PLEKHM3: variants seen among roughly 807,000 people sequenced by gnomAD.
The protein encoded by PLEKHM3 is pleckstrin homology domain containing M3, also known as pleckstrin homology domain-containing family M member 3.
In PLEKHM3, 45 loss-of-function variants were observed where a neutral mutation model predicts 81.8. That is an observed-to-expected ratio of 0.55 (90% confidence interval 0.43 to 0.71). The LOEUF is 0.71. Among genes scored for constraint, PLEKHM3 ranks in the 30% least tolerant of loss-of-function variants. The pLI is 0.00. For synonymous variants in PLEKHM3, 352 were observed against 356.4 expected, an observed-to-expected ratio of 0.99 and a Z score of 0.14; for missense variants, 788 against 924.3, an observed-to-expected ratio of 0.85 and a Z score of 1.91.
chr2:207,847,239 C>A (rs1020347431), intron 7 of PLEKHM3, among the ~76,000 whole-genome samples: 10 of 152,110 alleles, frequency 6.6e-5, no homozygotes, highest in African/African-American at 2.4e-4. Flanking sequence ...TCAGGTCAGC[C>A]CTGAGGTTTT....
intron 1 of PLEKHM3, among the ~76,000 whole-genome samples, chr2:208,012,397 T>C (rs550330021): frequency 4.6e-5 from 7 of 152,372 alleles, no homozygotes; most frequent in Admixed American, 1.3e-4. Flanking sequence ...GATTCATTTA[T>C]TGTCAATTGT....
chr2:207,875,370 G>C (rs2092555158), intron 6 of PLEKHM3, among the ~76,000 whole-genome samples: 1 of 152,176 alleles, frequency 6.6e-6, no homozygotes, highest in South Asian at 2.1e-4. Context: ...TTATTTATCA[G>C]ATTGGCCAGG....
At position 208,001,223 on chromosome 2, in the gene PLEKHM3, C is replaced by G. The variant is rs773169473; in HGVS notation, c.417G>C (p.Glu139Asp). 3 of 1,614,114 alleles carry G rather than the reference C, an allele frequency of 1.9e-6. No individual in the cohort carries two copies. In the Admixed American group the frequency reaches 5.0e-5, roughly 27 times the overall value. The change falls in exon 2 of 8, where the codon GAG becomes GAC. Residue 139 changes from glutamate (E) to aspartate (D), a missense_variant. Transcript: ENST00000427836. ...RPRSVNDLLD[E>D]TSTFKPGHAR... ...CATGCCCTGGCTTGAAAGTTGAGGT[C>G]TCATCCAGTAAGTCATTTACAGAAC...
chr2:207,906,120 G>A (rs1468034858), intron 6 of PLEKHM3, among the ~76,000 whole-genome samples: 1 of 152,162 alleles, frequency 6.6e-6, no homozygotes, highest in Non-Finnish European at 1.5e-5. Context: ...TCACTTTGGA[G>A]CCCACCCATT....
intron 7 of PLEKHM3, among the ~76,000 whole-genome samples, chr2:207,849,020 T>C (rs2092398493): frequency 6.6e-6 from 1 of 152,184 alleles, no homozygotes; most frequent in Non-Finnish European, 1.5e-5. Context: ...TCAAGACTGA[T>C]GTAGAAAATA....
At chr2:207,983,180 T>C (rs979684866) in intron 2 of PLEKHM3, among the ~76,000 whole-genome samples, 2 of 152,068 alleles carry the variant, frequency 1.3e-5, no homozygotes, top group East Asian at 3.9e-4. Flanking sequence ...GCCTCCCAAG[T>C]AGCTGGGACT....
chr2:207,936,502 A>G (rs1689755272), intron 4 of PLEKHM3, among the ~76,000 whole-genome samples: 1 of 152,214 alleles, frequency 6.6e-6, no homozygotes, highest in South Asian at 2.1e-4. Flanking sequence ...AGTTCATAAC[A>G]TATTTAGAGT....
chr2:207,989,615 G>A (rs898704816), intron 2 of PLEKHM3, among the ~76,000 whole-genome samples: 6 of 152,064 alleles, frequency 3.9e-5, no homozygotes, highest in Non-Finnish European at 5.9e-5. Context: ...ACATCATGAC[G>A]CCTGGCAGAC....
chr2:207,901,762 C>A (rs1688433915), intron 6 of PLEKHM3, among the ~76,000 whole-genome samples: 1 of 152,182 alleles, frequency 6.6e-6, no homozygotes, highest in Non-Finnish European at 1.5e-5. Flanking sequence ...ATTTGTTCCC[C>A]AAATAACTTA....
chr2:207,917,443 T>C (rs1396319109), intron 5 of PLEKHM3, among the ~76,000 whole-genome samples: 1 of 152,234 alleles, frequency 6.6e-6, no homozygotes, highest in Non-Finnish European at 1.5e-5. Context: ...AATTCAGTAT[T>C]AACCAGACCT....
rs556475542 is a variant in PLEKHM3 at position 207,845,701 on chromosome 2, T to C, written c.2108+15404A>G. ...TTTAAAAGCCATTTAAAAGAAAATA[T>C]GTTAATAACTACAGATTATAGTTGA... On this transcript the variant is annotated intron_variant, in intron 7 of 7. Coordinates refer to ENST00000427836, the MANE Select transcript of PLEKHM3 (RefSeq NM_001080475.3). Among the ~76,000 whole-genome samples, 4 of 152,336 alleles carry C rather than the reference T, an allele frequency of 2.6e-5. No individual in the cohort carries two copies. In the South Asian group the frequency reaches 8.3e-4, roughly 32 times the overall value.
At chr2:208,005,449 TAGTC>T (rs1488285622) in intron 1 of PLEKHM3, among the ~76,000 whole-genome samples, 3 of 152,272 alleles carry the variant, frequency 2.0e-5, no homozygotes, top group South Asian at 2.1e-4. Context: ...TGAGGAGTAA[TAGTC>T]AGGTATTTCA....
intron 5 of PLEKHM3, among the ~76,000 whole-genome samples, chr2:207,928,194 TC>T (rs1689469566): frequency 1.3e-5 from 2 of 152,332 alleles, no homozygotes; most frequent in African/African-American, 4.8e-5. Context: ...CAGTGCTTCC[TC>T]AGTTTCTGTA....
chr2:207,946,608 A>AGAGCTCTAACATCACAGAACAAGG, intron 3 of PLEKHM3, 96 bp from the exon 4 acceptor site: 1 of 1,453,294 alleles, frequency 6.9e-7, no homozygotes, highest in Non-Finnish European at 9.3e-7. Flanking sequence ...ACAAGGTTAT[A>AGAGCTCTAACATCACAGAACAAGG]TTTCATTTAC....
chr2:207,909,936 C>G (rs569525393), intron 5 of PLEKHM3, among the ~76,000 whole-genome samples: 1 of 152,294 alleles, frequency 6.6e-6, no homozygotes, highest in South Asian at 2.1e-4. Flanking sequence ...GCATATCAGA[C>G]ACTATTAGAC....
At chr2:208,010,322 A>G (rs1692646297) in intron 1 of PLEKHM3, among the ~76,000 whole-genome samples, 1 of 152,240 alleles carries the variant, frequency 6.6e-6, no homozygotes, top group Non-Finnish European at 1.5e-5. Context: ...GTGTTACTGC[A>G]CCTTTATGTG....
intron 2 of PLEKHM3, among the ~76,000 whole-genome samples, chr2:207,983,969 C>A (rs1169597812): frequency 1.3e-5 from 2 of 152,192 alleles, no homozygotes; most frequent in Admixed American, 6.5e-5. Flanking sequence ...CCTCTCACGT[C>A]CCTCCTCAGG....
At chr2:207,842,999 T>G (rs1353652417) in intron 7 of PLEKHM3, among the ~76,000 whole-genome samples, 1 of 152,084 alleles carries the variant, frequency 6.6e-6, no homozygotes, top group Non-Finnish European at 1.5e-5. Context: ...CAGGCTGGAG[T>G]GCAGTGGTGT....
chr2:207,929,950 C>A, intron 5 of PLEKHM3: 1 of 692,828 alleles, frequency 1.4e-6, no homozygotes, highest in Admixed American at 2.1e-5. Flanking sequence ...TCTATTAAAA[C>A]AAAAAAATTA....
Sources: allele counts gnomAD v4.1 joint callset (sites outside exome capture counted in the v4.1 genomes callset), GRCh38; gene constraint gnomAD v4.1.1; transcripts MANE v1.5; gene names NCBI Gene and HGNC (gene_info 2026-07-23, HGNC 2026-07-21).